LRP1B: variants seen among roughly 807,000 people sequenced by gnomAD.
LRP1B encodes low-density lipoprotein receptor-related protein 1B.
LRP1B carries 217 observed loss-of-function variants against 556.6 expected under a neutral mutation model. The observed-to-expected ratio is 0.39, with a 90% CI of 0.35 to 0.44. The LOEUF (loss-of-function observed/expected upper bound fraction) is 0.44. Among genes scored for constraint, LRP1B ranks in the 20% least tolerant of loss-of-function variants. The probability of loss-of-function intolerance (pLI) is 1.00; values close to 1 mark genes in which losing one functional copy is unlikely to be tolerated. For synonymous variants in LRP1B, 2,047 were observed against 1,865.8 expected (o/e 1.10, Z -2.50); for missense variants, 5,053 against 5,620.8 (o/e 0.90, Z 3.23).
At chr2:140,332,700 C>T (rs533969206) in intron 79 of LRP1B, among the ~76,000 whole-genome samples, 84 of 152,082 alleles carry the variant, frequency 5.5e-4, no homozygotes, top group African/African-American at 1.9e-3. Context: ...AGACTAGCCT[C>T]GACCTGAAAC....
At chr2:141,161,828 C>A (rs1574140678) in intron 7 of LRP1B, among the ~76,000 whole-genome samples, 1 of 151,988 alleles carries the variant, frequency 6.6e-6, no homozygotes, top group Non-Finnish European at 1.5e-5. Context: ...CAGCACCCAC[C>A]TGTGTCTACC....
chr2:140,387,614 C>A (rs577816744), intron 66 of LRP1B, among the ~76,000 whole-genome samples: 3 of 151,814 alleles, frequency 2.0e-5, no homozygotes, highest in African/African-American at 7.2e-5. Context: ...TTCCCTTCCT[C>A]CTTTTCTTCC....
intron 2 of LRP1B, among the ~76,000 whole-genome samples, chr2:141,722,672 T>C (rs1692866722): frequency 6.6e-6 from 1 of 152,122 alleles, no homozygotes; most frequent in South Asian, 2.1e-4. Context: ...GTTAACCTTT[T>C]ATTTTTTCAC....
At chr2:140,877,119 T>C (rs556932251) in intron 25 of LRP1B, among the ~76,000 whole-genome samples, 211 of 152,292 alleles carry the variant, frequency 1.4e-3, no homozygotes, top group Admixed American at 4.1e-3. Flanking sequence ...TAAGCTGTGC[T>C]TTTGTAAAGC....
chr2:140,300,885 A>G (rs2105006934), intron 83 of LRP1B, among the ~76,000 whole-genome samples: 1 of 152,174 alleles, frequency 6.6e-6, no homozygotes, highest in South Asian at 2.1e-4. Context: ...AGCTCTGATT[A>G]TTATTATCGT....
At chr2:140,361,698 G>A (rs561683019) in intron 72 of LRP1B, among the ~76,000 whole-genome samples, 1 of 151,314 alleles carries the variant, frequency 6.6e-6, no homozygotes, top group East Asian at 2.0e-4. Flanking sequence ...TTAGGGGCTT[G>A]TTGTCACTCA....
At chr2:140,734,128 C>T (rs1687869089) in intron 35 of LRP1B, among the ~76,000 whole-genome samples, 1 of 152,196 alleles carries the variant, frequency 6.6e-6, no homozygotes, top group South Asian at 2.1e-4. Context: ...GTATTTGCTA[C>T]TGCGAAGGAA....
intron 41 of LRP1B, among the ~76,000 whole-genome samples, chr2:140,628,745 G>A (rs945491032): frequency 9.4e-5 from 14 of 149,530 alleles, no homozygotes; most frequent in African/African-American, 2.2e-4. Flanking sequence ...ATCTCATGTC[G>A]AATTATAATT....
intron 3 of LRP1B, among the ~76,000 whole-genome samples, chr2:141,364,169 A>G (rs1383683966): frequency 6.6e-6 from 1 of 152,120 alleles, no homozygotes; most frequent in Non-Finnish European, 1.5e-5. Flanking sequence ...CTAGAAAAAT[A>G]TCAGTGTCAT....
At chr2:140,538,470 C>T (rs1680012146) in intron 45 of LRP1B, among the ~76,000 whole-genome samples, 1 of 152,048 alleles carries the variant, frequency 6.6e-6, no homozygotes, top group Non-Finnish European at 1.5e-5. Flanking sequence ...AATTAGAACA[C>T]GTGGTATTTG....
At chr2:140,642,786 T>G (rs754646448) in intron 41 of LRP1B, among the ~76,000 whole-genome samples, 17 of 152,072 alleles carry the variant, frequency 1.1e-4, no homozygotes, top group African/African-American at 3.6e-4. Flanking sequence ...GGAGCTTGCA[T>G]TGAGCCGAGA....
At chr2:140,493,721 A>G (rs945091900) in intron 56 of LRP1B, among the ~76,000 whole-genome samples, 6 of 151,984 alleles carry the variant, frequency 3.9e-5, no homozygotes, top group African/African-American at 1.2e-4. Context: ...TTATACCGTT[A>G]TTGTCCTTTT....
Position 141,058,971 on chromosome 2 carries a change from G to A in LRP1B, c.1320C>T (p.Asn440=), listed in dbSNP as rs1699262590. 1.3e-6 allele frequency: 2 copies of A among 1,597,522 alleles called. No individual in the cohort carries two copies. The highest frequency in any genetic ancestry group is 2.3e-5 in the East Asian group (1 of 44,358). Residue 440 remains asparagine, a synonymous_variant, in exon 9 of 91, where the codon AAC becomes AAT. Coordinates refer to ENST00000389484, the MANE Select transcript of LRP1B (RefSeq NM_018557.3). ...NSDNYNIVRI[N]RFNGTDIHSL... is the part of the protein sequence containing the mutation. ...AGTGAATATCAGTCCCATTAAATCGGTTTATCCTTACGATATTGTAGTTAT... is the reference window on the plus strand; with the variant it reads ...AGTGAATATCAGTCCCATTAAATCGATTTATCCTTACGATATTGTAGTTAT...
At chr2:141,811,217 G>A (rs1696343593) in intron 1 of LRP1B, among the ~76,000 whole-genome samples, 1 of 151,998 alleles carries the variant, frequency 6.6e-6, no homozygotes, top group Admixed American at 6.6e-5. Context: ...AAATAGGAAT[G>A]TTTCTTACAG....
chr2:142,048,508 A>G (rs1282569622), intron 1 of LRP1B, among the ~76,000 whole-genome samples: 1 of 152,076 alleles, frequency 6.6e-6, no homozygotes, highest in African/African-American at 2.4e-5. Flanking sequence ...TATGGACATG[A>G]ATTTCAAACA....
rs35151647 is a variant in LRP1B, at chr2:140,383,293, C to CGTGT, written c.10531+2596_10531+2599dup. 2.6e-3 allele frequency among the ~76,000 whole-genome samples: 386 copies of CGTGT among 145,738 alleles called. 2 individuals are homozygous for CGTGT. The highest frequency in any genetic ancestry group is 0.018 in the Middle Eastern group (5 of 280). On this transcript the variant is annotated intron_variant, in intron 67 of 90. Coordinates refer to ENST00000389484, the MANE Select transcript of LRP1B (RefSeq NM_018557.3). ...CCTAATGTATTAGGACAGTGATGTG[C>CGTGT]GTGTGTGTGTGTGTGTGTGTGTGTG...
intron 66 of LRP1B, among the ~76,000 whole-genome samples, chr2:140,411,922 A>G (rs1201175903): frequency 6.6e-6 from 1 of 152,128 alleles, no homozygotes; most frequent in African/African-American, 2.4e-5. Flanking sequence ...AAAAGCTATC[A>G]AGAAACTTCT....
intron 41 of LRP1B, among the ~76,000 whole-genome samples, chr2:140,674,768 T>C (rs1008348384): frequency 3.3e-5 from 5 of 152,234 alleles, no homozygotes; most frequent in Non-Finnish European, 7.3e-5. Context: ...ATAAACCTCT[T>C]TAATAGAGGT....
chr2:140,989,749 ATAT>A (rs2105353410), intron 16 of LRP1B, 92 bp from the exon 17 acceptor site: 2 of 1,216,292 alleles, frequency 1.6e-6, no homozygotes, highest in South Asian at 1.3e-5. Context: ...TACAGTAATA[ATAT>A]TATAGTACAA....
Sources: gnomAD v4.1 joint callset for allele counts (sites outside exome capture counted in the v4.1 genomes callset) on GRCh38, gnomAD v4.1.1 for gene constraint, MANE v1.5 for transcripts, NCBI Gene and HGNC (gene_info 2026-07-23, HGNC 2026-07-21) for gene names.